CDH13: variants seen among roughly 807,000 people sequenced by gnomAD.
CDH13 encodes cadherin-13.
A neutral mutation model predicts 63.8 loss-of-function variants in CDH13; 24 were observed. The ratio of observed to expected loss-of-function variants is 0.38; its 90% CI spans 0.27 to 0.53. The LOEUF (loss-of-function observed/expected upper bound fraction) is 0.53, where lower values mean the gene tolerates loss of function less well. Among genes scored for constraint, CDH13 ranks in the 20% least tolerant of loss-of-function variants. The pLI, the probability that CDH13 is intolerant of heterozygous loss-of-function variation, is 0.85. For missense variants in CDH13, 1,049 were observed against 903.1 expected, an observed-to-expected ratio of 1.16 and a Z score of -2.07; for synonymous variants, 503 against 355.3, an observed-to-expected ratio of 1.42 and a Z score of -4.67.
intron 10 of CDH13, among the ~76,000 whole-genome samples, chr16:83,745,362 G>C (rs78929475): frequency 0.026 from 3,956 of 152,154 alleles, 159 homozygotes; most frequent in African/African-American, 0.088. Flanking sequence ...AACACAAAAA[G>C]GATTGATACC....
At chr16:83,334,530 C>T (rs1332633577) in intron 5 of CDH13, among the ~76,000 whole-genome samples, 1 of 72,512 alleles carries the variant, frequency 1.4e-5, no homozygotes, top group Admixed American at 2.0e-4. Context: ...CACCGCCACT[C>T]CTGGCTAGTT....
chr16:82,989,820 G>C (rs549885200), intron 2 of CDH13, among the ~76,000 whole-genome samples: 2 of 152,240 alleles, frequency 1.3e-5, no homozygotes, highest in Non-Finnish European at 2.9e-5. Flanking sequence ...TTAGATGTTA[G>C]TTTAATCCCT....
chr16:83,181,091 T>A, intron 4 of CDH13: 1 of 1,246,574 alleles, frequency 8.0e-7, no homozygotes, highest in Non-Finnish European at 1.1e-6. Context: ...TCCTGTTGAC[T>A]GAATTTTGAT....
chr16:82,938,076 A>G (rs2042724400), intron 2 of CDH13, among the ~76,000 whole-genome samples: 1 of 152,256 alleles, frequency 6.6e-6, no homozygotes, highest in Non-Finnish European at 1.5e-5. Context: ...AGCGGTAGCA[A>G]CAACACGCCA....
At chr16:83,272,092 C>G (rs1278494209) in intron 5 of CDH13, among the ~76,000 whole-genome samples, 2 of 152,162 alleles carry the variant, frequency 1.3e-5, no homozygotes, top group African/African-American at 4.8e-5. Flanking sequence ...TTGGGTGCTT[C>G]TTGTTTGTTT....
intron 7 of CDH13, among the ~76,000 whole-genome samples, chr16:83,534,811 A>T (rs2075152651): frequency 6.6e-6 from 1 of 152,228 alleles, no homozygotes; most frequent in Non-Finnish European, 1.5e-5. Context: ...TTCTTATTTA[A>T]ATGTGAATTA....
chr16:82,998,393 A>T (rs993986154), intron 2 of CDH13, among the ~76,000 whole-genome samples: 1 of 152,210 alleles, frequency 6.6e-6, no homozygotes, highest in Admixed American at 6.5e-5. Context: ...CACTTTCGTG[A>T]AGTTCTTTTC....
At chr16:82,671,769 C>A (rs755011104) in intron 1 of CDH13, among the ~76,000 whole-genome samples, 16 of 152,112 alleles carry the variant, frequency 1.1e-4, no homozygotes, top group African/African-American at 3.9e-4. Flanking sequence ...GAGTGTTTTA[C>A]TTTCTGGGTG....
rs541619696 is a variant in CDH13 at position 83,168,849 on chromosome 16, T to C, written c.483+43348T>C. On this transcript the variant is annotated intron_variant, in intron 4 of 13. Transcript: ENST00000567109. ...CTCTTCATAAAGTTCTTCCAAACCA[T>C]GATATTTAATGTCCACATAAGAAAA... Among the ~76,000 whole-genome samples the C allele has an allele frequency of 1.0e-3, 156 of 152,244 alleles. 2 individuals are homozygous for C. Among genetic ancestry groups the C allele is most frequent in the Admixed American group, 2.5e-3 (38 of 15,288 alleles).
At chr16:82,777,602 A>G (rs1018380134) in intron 1 of CDH13, among the ~76,000 whole-genome samples, 2 of 152,210 alleles carry the variant, frequency 1.3e-5, no homozygotes, top group Non-Finnish European at 2.9e-5. Flanking sequence ...TCACCCCAAA[A>G]CTTAGCAGCT....
rs1477111315 is a variant in CDH13, at chr16:82,858,640, C to G, written c.157+167C>G. ...TGGAAATTCTTGAATGAGGGCCTGGCCAACTTAGAGGTTAATAGAGTGATA... is the reference window on the plus strand; with the variant it reads ...TGGAAATTCTTGAATGAGGGCCTGGGCAACTTAGAGGTTAATAGAGTGATA... On this transcript the variant is annotated intron_variant, in intron 2 of 13. Transcript: ENST00000567109. 14 of 671,256 alleles carry G rather than the reference C, an allele frequency of 2.1e-5. No individual in the cohort carries two copies. The East Asian group carries it at 3.5e-4, about 17-fold the overall frequency. The allele number at this position is 671,256 out of a possible 1,614,324, so 41.6% of individuals were successfully genotyped here. A position where few individuals can be genotyped will look rare whatever the true frequency, so the allele number is the denominator to read the frequency against.
intron 4 of CDH13, among the ~76,000 whole-genome samples, chr16:83,131,071 A>G (rs1484937856): frequency 2.6e-5 from 4 of 152,122 alleles, no homozygotes; most frequent in Non-Finnish European, 5.9e-5. Flanking sequence ...CTAAACTACT[A>G]GAATTTGGGA....
At chr16:82,957,176 A>G (rs1906247815) in intron 2 of CDH13, among the ~76,000 whole-genome samples, 2 of 152,186 alleles carry the variant, frequency 1.3e-5, no homozygotes, top group African/African-American at 4.8e-5. Context: ...GAAATACACA[A>G]GTGGAAAGTT....
chr16:83,031,393 TACATATACATGTATATGTATAC>T (rs1481959405), intron 2 of CDH13, among the ~76,000 whole-genome samples: 1 of 140,396 alleles, frequency 7.1e-6, no homozygotes, highest in Non-Finnish European at 1.6e-5. Context: ...TATATGTATA[TACATATACATGTATATGTATAC>T]ACGTATATGG....
chr16:82,690,904 A>G (rs1337963678), intron 1 of CDH13, among the ~76,000 whole-genome samples: 1 of 152,214 alleles, frequency 6.6e-6, no homozygotes, highest in Non-Finnish European at 1.5e-5. Context: ...GATGAGGATG[A>G]ACGCTCTAGT....
intron 3 of CDH13, among the ~76,000 whole-genome samples, chr16:83,115,070 G>T (rs558872630): frequency 2.6e-5 from 4 of 152,318 alleles, no homozygotes; most frequent in African/African-American, 9.6e-5. Flanking sequence ...TGATTATCTA[G>T]TTATACCTGA....
At chr16:83,637,546 AC>A (rs1911378224) in intron 8 of CDH13, among the ~76,000 whole-genome samples, 1 of 46,252 alleles carries the variant, frequency 2.2e-5, no homozygotes, top group Non-Finnish European at 4.2e-5. Flanking sequence ...GGTCACTCCC[AC>A]CCGAATATTG....
rs2150751289 is a variant in CDH13 at position 83,602,490 on chromosome 16, G to T, written c.997G>T (p.Ala333Ser). Residue 333 changes from alanine to serine, a missense_variant, in exon 8 of 14, where the codon GCT (alanine) becomes TCT (serine). Ala to Ser is a moderately conservative substitution (Grantham distance 99). Transcript: ENST00000567109. ...ENPKYELIIEAQDMAGLDVGL... is the reference protein window; with the variant it reads ...ENPKYELIIESQDMAGLDVGL... ...TCCCAAGTATGAACTGATCATCGAG[G>T]CTCAAGATATGGCTGGACTGGATGT... The T allele has an allele frequency of 6.2e-7, 1 of 1,613,884 alleles. No homozygotes were observed. The highest frequency in any genetic ancestry group is 2.2e-5 in the East Asian group (1 of 44,884).
chr16:83,236,949 A>T (rs1203831479), intron 5 of CDH13, among the ~76,000 whole-genome samples: 1 of 152,024 alleles, frequency 6.6e-6, no homozygotes, highest in African/African-American at 2.4e-5. Context: ...TTCATATGTG[A>T]GTTTCACCTC....
Sources: gnomAD v4.1 joint callset for allele counts (sites outside exome capture counted in the v4.1 genomes callset) on GRCh38, gnomAD v4.1.1 for gene constraint, MANE v1.5 for transcripts, NCBI Gene and HGNC (gene_info 2026-07-23, HGNC 2026-07-21) for gene names.